The following MTMR2 variants were observed in gnomAD, a reference collection of about 807,000 sequenced individuals.
MTMR2 encodes phosphatidylinositol-3,5-bisphosphate 3-phosphatase MTMR2.
MTMR2 carries 55 observed loss-of-function variants against 86.9 expected under a neutral mutation model. The observed-to-expected ratio is 0.63, with a 90% confidence interval of 0.51 to 0.79. The LOEUF (loss-of-function observed/expected upper bound fraction) is 0.79, where lower values mean the gene tolerates loss of function less well. Ranked by LOEUF, MTMR2 falls within the 30% of genes least tolerant of loss-of-function variation. MTMR2 has a pLI of 0.00. For missense variants in MTMR2, 659 were observed against 772.3 expected, an observed-to-expected ratio of 0.85 and a Z score of 1.74; for synonymous variants, 241 against 266.8, an observed-to-expected ratio of 0.90 and a Z score of 0.94.
chr11:95,909,154 G>C (rs1677435361), intron 1 of MTMR2, among the ~76,000 whole-genome samples: 1 of 151,730 alleles, frequency 6.6e-6, no homozygotes, highest in Non-Finnish European at 1.5e-5. Flanking sequence ...CACTCTTTTG[G>C]TCTCAAAAGT....
intron 2 of MTMR2, among the ~76,000 whole-genome samples, chr11:95,875,407 A>G (rs1477173991): frequency 6.6e-6 from 1 of 152,150 alleles, no homozygotes; most frequent in African/African-American, 2.4e-5. Flanking sequence ...AGGCTTGTGC[A>G]TTCGTCACGT....
At chr11:95,888,090 T>A in intron 2 of MTMR2, 66 bp downstream of exon 2, 1 of 1,160,816 alleles carries the variant, frequency 8.6e-7, no homozygotes, top group South Asian at 1.3e-5. Flanking sequence ...TTAGTTATAT[T>A]GATAGTGTTG....
chr11:95,844,491 T>C (rs948593721), intron 11 of MTMR2, among the ~76,000 whole-genome samples: 48 of 152,120 alleles, frequency 3.2e-4, no homozygotes, highest in Admixed American at 2.0e-3. Context: ...GCTTCAGAAC[T>C]TGAATATGTG....
chr11:95,853,772 A>G (rs1236739727), intron 7 of MTMR2, among the ~76,000 whole-genome samples: 1 of 152,236 alleles, frequency 6.6e-6, no homozygotes, highest in African/African-American at 2.4e-5. Context: ...TTTAGAAGGT[A>G]TTATATGAAT....
At chr11:95,911,493 G>C (rs1866503996) in intron 1 of MTMR2, among the ~76,000 whole-genome samples, 1 of 152,152 alleles carries the variant, frequency 6.6e-6, no homozygotes, top group Non-Finnish European at 1.5e-5. Flanking sequence ...GTGAGGACTG[G>C]AGGGCAGGAA....
At chr11:95,896,895 C>T (rs965922477) in intron 1 of MTMR2, among the ~76,000 whole-genome samples, 2 of 129,886 alleles carry the variant, frequency 1.5e-5, no homozygotes, top group African/African-American at 5.8e-5. Flanking sequence ...AAAAGAATGA[C>T]AATCTTTAAA....
chr11:95,877,865 T>C (rs1460326843), intron 2 of MTMR2, among the ~76,000 whole-genome samples: 3 of 152,086 alleles, frequency 2.0e-5, no homozygotes, highest in Non-Finnish European at 4.4e-5. Flanking sequence ...AACACCTTGA[T>C]TTCTGATGTC....
intron 1 of MTMR2, among the ~76,000 whole-genome samples, chr11:95,908,486 A>G (rs1273928979): frequency 1.3e-5 from 2 of 152,162 alleles, no homozygotes. Context: ...TTAGAAAAAA[A>G]CTATTCTAAA....
intron 3 of MTMR2, 102 bp downstream of exon 3, chr11:95,865,499 A>C: frequency 9.6e-7 from 1 of 1,042,646 alleles, no homozygotes. Flanking sequence ...GCCAGACAGG[A>C]GGTGTCTCTG....
chr11:95,901,264 T>G (rs1442908012), intron 1 of MTMR2, among the ~76,000 whole-genome samples: 1 of 152,166 alleles, frequency 6.6e-6, no homozygotes. Context: ...CATTTGACTA[T>G]CTGGCCCCAC....
Position 95,841,834 on chromosome 11 carries a change from A to G in MTMR2, c.1387-125T>C. ...TTCAAAGTCGGGTGCTGTGGTTTAC[A>G]CCTGTAATCCCAACACTTTGGGAGG... On this transcript the variant is annotated intron_variant, in intron 11 of 14. Transcript: ENST00000346299. 2.7e-6 allele frequency: 2 copies of G among 750,898 alleles called. 1 individual carries two copies. The highest frequency in any genetic ancestry group is 2.9e-5 in the South Asian group (2 of 68,720). 46.5% of individuals were successfully genotyped at this position (750,898 alleles called of 1,614,324 possible).
At chr11:95,906,139 C>A (rs1409929916) in intron 1 of MTMR2, among the ~76,000 whole-genome samples, 2 of 152,114 alleles carry the variant, frequency 1.3e-5, no homozygotes, top group Non-Finnish European at 2.9e-5. Flanking sequence ...GCACGAGAAT[C>A]CCTTGAACCC....
At chr11:95,896,489 G>C (rs926810459) in intron 1 of MTMR2, among the ~76,000 whole-genome samples, 3 of 151,704 alleles carry the variant, frequency 2.0e-5, no homozygotes, top group African/African-American at 7.3e-5. Context: ...CTTGATTAAT[G>C]ACTACGCTTC....
At chr11:95,872,551 A>G (rs1459424113) in intron 2 of MTMR2, among the ~76,000 whole-genome samples, 3 of 152,216 alleles carry the variant, frequency 2.0e-5, no homozygotes, top group Non-Finnish European at 1.5e-5. Flanking sequence ...CAATCATGTC[A>G]TCTGCAAACA....
intron 7 of MTMR2, among the ~76,000 whole-genome samples, 173 bp downstream of exon 7, chr11:95,857,379 T>C (rs899363010): frequency 2.0e-5 from 3 of 152,050 alleles, no homozygotes; most frequent in East Asian, 1.9e-4. Flanking sequence ...GAAGGAAGAA[T>C]AGGAAGAATG....
At chr11:95,886,281 G>T (rs1006876890) in intron 2 of MTMR2, among the ~76,000 whole-genome samples, 1 of 152,138 alleles carries the variant, frequency 6.6e-6, no homozygotes, top group Non-Finnish European at 1.5e-5. Flanking sequence ...ATGTAAAGTA[G>T]ATGGGAACTC....
chr11:95,835,500 C>G, intron 14 of MTMR2, 49 bp from the exon 15 acceptor site: 1 of 1,586,538 alleles, frequency 6.3e-7, no homozygotes, highest in South Asian at 1.1e-5. Flanking sequence ...CTGACCAAAG[C>G]CAGGTCAAAT....
chr11:95,881,254 C>T (rs1865311687), intron 2 of MTMR2, among the ~76,000 whole-genome samples: 1 of 151,900 alleles, frequency 6.6e-6, no homozygotes, highest in Non-Finnish European at 1.5e-5. Flanking sequence ...CTAAACTTGA[C>T]TGATTTATTC....
chr11:95,848,120 A>G (rs1863874121), intron 9 of MTMR2, among the ~76,000 whole-genome samples: 1 of 152,154 alleles, frequency 6.6e-6, no homozygotes, highest in Non-Finnish European at 1.5e-5. Flanking sequence ...ACTTGCCCAT[A>G]TGGCCATTAT....
Sources: allele counts gnomAD v4.1 joint callset (sites outside exome capture counted in the v4.1 genomes callset), GRCh38; gene constraint gnomAD v4.1.1; transcripts MANE v1.5; gene names NCBI Gene and HGNC (gene_info 2026-07-23, HGNC 2026-07-21).